TMOD3: variants seen among roughly 807,000 people sequenced by gnomAD.
TMOD3 encodes tropomodulin-3.
Under a neutral mutation model 39.2 loss-of-function variants are expected in TMOD3, and 20 were observed. The observed-to-expected ratio is 0.51, with a 90% CI of 0.36 to 0.74. TMOD3 has a LOEUF of 0.74. Among genes scored for constraint, TMOD3 ranks in the 30% least tolerant of loss-of-function variants. TMOD3 has a pLI of 0.00. For missense variants in TMOD3, 381 were observed against 412.8 expected, an observed-to-expected ratio of 0.92 and a Z score of 0.67; for synonymous variants, 143 against 145.8, an observed-to-expected ratio of 0.98 and a Z score of 0.14.
At chr15:51,857,986 C>T (rs1364361727) in intron 1 of TMOD3, 3 of 152,112 alleles carry the variant, frequency 2.0e-5, no homozygotes, top group Non-Finnish European at 4.4e-5. Context: ...TCCATTGAAT[C>T]TTATCTGAAG....
At chr15:51,845,928 C>A (rs2056333337) in intron 1 of TMOD3, among the ~76,000 whole-genome samples, 1 of 152,012 alleles carries the variant, frequency 6.6e-6, no homozygotes, top group African/African-American at 2.4e-5. Flanking sequence ...CTTATTCTAG[C>A]AAAGAAAGGG....
intron 1 of TMOD3, among the ~76,000 whole-genome samples, chr15:51,839,165 C>CTTTTTTTTTTTTTTTTTTTTTTTTTTTT (rs60102349): frequency 9.2e-6 from 1 of 108,970 alleles, no homozygotes; most frequent in African/African-American, 3.1e-5. Flanking sequence ...GTGTATCTCT[C>CTTTTTTTTTTTTTTTTTTTTTTTTTTTT]TTTTTTTTTT....
intron 1 of TMOD3, among the ~76,000 whole-genome samples, chr15:51,851,654 C>T (rs1253481135): frequency 6.6e-6 from 1 of 152,064 alleles, no homozygotes; most frequent in African/African-American, 2.4e-5. Flanking sequence ...ATACAGGTAG[C>T]ATAGGGCAAT....
chr15:51,861,586 A>G (rs1197355715), intron 1 of TMOD3, among the ~76,000 whole-genome samples: 1 of 151,984 alleles, frequency 6.6e-6, no homozygotes, highest in Non-Finnish European at 1.5e-5. Flanking sequence ...AGTACTGAGC[A>G]TTTTGCAGTC....
At chr15:51,903,076 A>C (rs1250675882) in intron 9 of TMOD3, among the ~76,000 whole-genome samples, 1 of 151,964 alleles carries the variant, frequency 6.6e-6, no homozygotes, top group Non-Finnish European at 1.5e-5. Flanking sequence ...GAGCCACCGC[A>C]CCTGGGCCCT....
At chr15:51,882,550 G>A (rs921823538) in intron 3 of TMOD3, among the ~76,000 whole-genome samples, 2 of 152,246 alleles carry the variant, frequency 1.3e-5, no homozygotes, top group South Asian at 2.1e-4. Flanking sequence ...TGCAGTTGTC[G>A]TAGTACCATT....
chr15:51,852,759 T>C (rs533392533), intron 1 of TMOD3, among the ~76,000 whole-genome samples: 48 of 152,352 alleles, frequency 3.2e-4, no homozygotes, highest in African/African-American at 1.1e-3. Context: ...GTGTTAGCTA[T>C]GTACTGTACC....
At chr15:51,853,956 T>G (rs2056375701) in intron 1 of TMOD3, among the ~76,000 whole-genome samples, 1 of 152,088 alleles carries the variant, frequency 6.6e-6, no homozygotes, top group Admixed American at 6.5e-5. Context: ...TAGATGGGAA[T>G]GAATGCATTT....
At chr15:51,837,361 A>T (rs762843664) in intron 1 of TMOD3, among the ~76,000 whole-genome samples, 2 of 152,088 alleles carry the variant, frequency 1.3e-5, no homozygotes, top group African/African-American at 2.4e-5. Context: ...TACAACCCCC[A>T]AGATTTATTT....
chr15:51,896,211 C>G (rs1397557575), intron 6 of TMOD3, among the ~76,000 whole-genome samples: 1 of 152,150 alleles, frequency 6.6e-6, no homozygotes, highest in Non-Finnish European at 1.5e-5. Flanking sequence ...TGCTCTGAGT[C>G]AGTAGTTTAT....
In TMOD3 at chr15:51,911,032, T is replaced by G. The variant is rs894599335; in HGVS notation, c.*2222T>G. On this transcript the variant is annotated 3_prime_UTR_variant, in exon 10 of 10. Transcript: ENST00000308580. The stretch of plus-strand genomic sequence containing the variant: ...TATGCAGCTTTTTGATTGTACTTGA[T>G]TTTATAGAGACTGCACAGTTCCAGC... The G allele has an allele frequency of 6.6e-6, 1 of 152,042 alleles. No individual in the cohort carries two copies. The highest frequency in any genetic ancestry group is 2.1e-4 in the South Asian group (1 of 4,828). The allele number at this position is 152,042 out of a possible 1,614,324, so 9.4% of individuals were successfully genotyped here.
At chr15:51,841,728 G>C (rs938848316) in intron 1 of TMOD3, among the ~76,000 whole-genome samples, 1 of 152,084 alleles carries the variant, frequency 6.6e-6, no homozygotes. Flanking sequence ...GCCACTAGCT[G>C]TATGGTTCTC....
In TMOD3 at chr15:51,890,434, C is replaced by T. The variant is rs1282633510; in HGVS notation, c.496+1289C>T. Among the ~76,000 whole-genome samples, 4 of 151,642 alleles carry T rather than the reference C, an allele frequency of 2.6e-5. No individual in the cohort carries two copies. The East Asian group carries it at 7.8e-4, about 29-fold the overall frequency. On this transcript the variant is annotated intron_variant, in intron 5 of 9. Transcript: ENST00000308580. ...TCAGGTGATCTGCCCACCTCAGCCT[C>T]CCAAAGTGCTGGGATTACAGGCATG...
At chr15:51,860,201 G>T (rs2056410106) in intron 1 of TMOD3, 1 of 479,740 alleles carries the variant, frequency 2.1e-6, no homozygotes, top group South Asian at 1.6e-5. Flanking sequence ...GAGCCTGAGG[G>T]TCATCATAAA....
chr15:51,883,442 A>G (rs183434930), intron 3 of TMOD3, among the ~76,000 whole-genome samples: 1 of 152,274 alleles, frequency 6.6e-6, no homozygotes. Flanking sequence ...CAGCTATTTG[A>G]TAGCTTGTTT....
chr15:51,869,192 T>G, intron 2 of TMOD3, 25 bp from the exon 3 acceptor site: 1 of 1,607,562 alleles, frequency 6.2e-7, no homozygotes. Context: ...ATTGGTCATA[T>G]TGGCTGATTC....
chr15:51,877,461 C>T (rs1401341855), intron 3 of TMOD3, among the ~76,000 whole-genome samples: 2 of 152,044 alleles, frequency 1.3e-5, no homozygotes, highest in East Asian at 1.9e-4. Context: ...AGGTGGATCA[C>T]GAGGTCAGCA....
At chr15:51,869,914 A>T (rs2056466462) in intron 3 of TMOD3, among the ~76,000 whole-genome samples, 1 of 152,084 alleles carries the variant, frequency 6.6e-6, no homozygotes, top group South Asian at 2.1e-4. Context: ...GTGGAGCCTG[A>T]GTACGGCTGT....
chr15:51,851,261 C>G (rs1462088621), intron 1 of TMOD3, among the ~76,000 whole-genome samples: 1 of 152,158 alleles, frequency 6.6e-6, no homozygotes, highest in Non-Finnish European at 1.5e-5. Context: ...GTGCCAGATT[C>G]ATGACTCTTC....
Sources: allele counts gnomAD v4.1 joint callset (sites outside exome capture counted in the v4.1 genomes callset), GRCh38; gene constraint gnomAD v4.1.1; transcripts MANE v1.5; gene names NCBI Gene and HGNC (gene_info 2026-07-23, HGNC 2026-07-21).